NAV3: variants seen among roughly 807,000 people sequenced by gnomAD.
NAV3 encodes the protein neuron navigator 3.
A neutral mutation model predicts 244.7 loss-of-function variants in NAV3; 87 were observed. That is an observed-to-expected ratio of 0.36 (90% CI 0.30 to 0.42). The LOEUF is 0.42. NAV3 is among the 20% of genes least tolerant of loss of function. The pLI is 1.00. For missense variants in NAV3, 2,663 were observed against 2,893.3 expected (o/e 0.92, Z 1.83); for synonymous variants, 1,126 against 1,042.2 (o/e 1.08, Z -1.55).
chr12:77,874,110 C>T (rs910994116), intron 1 of NAV3, among the ~76,000 whole-genome samples: 1 of 151,958 alleles, frequency 6.6e-6, no homozygotes, highest in African/African-American at 2.4e-5. Flanking sequence ...CCCCACCCAC[C>T]CTAGTCTGTG....
intron 12 of NAV3, among the ~76,000 whole-genome samples, chr12:78,059,945 C>T (rs1884080946): frequency 6.7e-6 from 1 of 149,252 alleles, no homozygotes; most frequent in Admixed American, 6.8e-5. Context: ...TCTTTATTGC[C>T]TCAAATTTCT....
chr12:78,039,907 A>G (rs2137063266), intron 9 of NAV3, among the ~76,000 whole-genome samples: 1 of 152,228 alleles, frequency 6.6e-6, no homozygotes, highest in Non-Finnish European at 1.5e-5. Context: ...TTTGACACAT[A>G]GGAAGCCTCT....
At chr12:77,908,913 A>G (rs764433408) in intron 1 of NAV3, among the ~76,000 whole-genome samples, 4 of 152,080 alleles carry the variant, frequency 2.6e-5, no homozygotes, top group Non-Finnish European at 4.4e-5. Flanking sequence ...TATAGATTTC[A>G]TAGTTCAGTA....
chr12:77,778,387 T>C (rs890379065), intron 2 of NAV3, among the ~76,000 whole-genome samples: 4 of 151,196 alleles, frequency 2.6e-5, no homozygotes, highest in Admixed American at 6.6e-5. Context: ...CCAAGGCAGG[T>C]GGATCACGAG....
At chr12:78,179,289 A>G in intron 28 of NAV3, 1 of 403,982 alleles carries the variant, frequency 2.5e-6, no homozygotes, top group Non-Finnish European at 4.4e-6. Flanking sequence ...CAGTAAGAGT[A>G]GACTATTTTT....
At chr12:77,870,738 A>G (rs905412261) in intron 1 of NAV3, among the ~76,000 whole-genome samples, 1 of 152,218 alleles carries the variant, frequency 6.6e-6, no homozygotes, top group Non-Finnish European at 1.5e-5. Flanking sequence ...AAATCTGACT[A>G]GAAGAATCTA....
intron 2 of NAV3, among the ~76,000 whole-genome samples, chr12:77,655,067 G>A (rs1187233636): frequency 6.6e-6 from 1 of 152,184 alleles, no homozygotes; most frequent in Non-Finnish European, 1.5e-5. Flanking sequence ...CTCCTCCAAA[G>A]GATCGCACTT....
At chr12:78,201,231 T>A (rs979020661) in intron 38 of NAV3, among the ~76,000 whole-genome samples, 4 of 151,680 alleles carry the variant, frequency 2.6e-5, no homozygotes, top group Non-Finnish European at 5.9e-5. Flanking sequence ...ACTCAGTTAT[T>A]TGTATTGTTA....
intron 2 of NAV3, among the ~76,000 whole-genome samples, chr12:77,651,159 CT>C (rs895870896): frequency 6.6e-6 from 1 of 152,004 alleles, no homozygotes; most frequent in African/African-American, 2.4e-5. Flanking sequence ...AAAAAAAATT[CT>C]ACTTTTCAGT....
Position 78,199,651 on chromosome 12 carries a change from T to C in NAV3, c.6715+120T>C, listed in dbSNP as rs935352849. On this transcript the variant is annotated intron_variant, in intron 37 of 39. Transcript: ENST00000397909. Reference sequence around the variant, plus strand: ...AATGCTTATTCAAGCTTCCAAAGATTTATTTTTTTCCCTTCTGAAAGTTTG... The same window carrying C: ...AATGCTTATTCAAGCTTCCAAAGATCTATTTTTTTCCCTTCTGAAAGTTTG... 33 of 699,706 alleles carry C rather than the reference T, an allele frequency of 4.7e-5. No individual in the cohort carries two copies. The African/African-American group carries it at 5.9e-4, about 12-fold the overall frequency. 43.3% of individuals were successfully genotyped at this position (699,706 alleles called of 1,614,324 possible). A position where few individuals can be genotyped will look rare whatever the true frequency, so the allele number is the denominator to read the frequency against.
chr12:77,605,570 C>G (rs143647254), intron 2 of NAV3, among the ~76,000 whole-genome samples: 54 of 152,144 alleles, frequency 3.5e-4, no homozygotes, highest in Non-Finnish European at 5.6e-4. Context: ...TTAAAGATAA[C>G]TTGTATTGAG....
At chr12:77,589,768 A>G (rs183074936) in intron 2 of NAV3, among the ~76,000 whole-genome samples, 99 of 152,350 alleles carry the variant, frequency 6.5e-4, no homozygotes, top group African/African-American at 2.3e-3. Context: ...GCCAAACCAT[A>G]TCAGACATCT....
intron 12 of NAV3, among the ~76,000 whole-genome samples, chr12:78,071,585 T>A (rs2137635623): frequency 6.6e-6 from 1 of 152,316 alleles, no homozygotes; most frequent in East Asian, 1.9e-4. Flanking sequence ...AATCTCGTCT[T>A]TTGTTGCCAT....
intron 2 of NAV3, among the ~76,000 whole-genome samples, chr12:77,729,417 A>T (rs1165640111): frequency 2.0e-5 from 3 of 152,006 alleles, no homozygotes; most frequent in Admixed American, 6.6e-5. Context: ...CTGAGTTCAT[A>T]TATGTGTGTT....
rs1351540435 is a variant in NAV3 at position 78,007,278 on chromosome 12, T to G, written c.1740T>G (p.Pro580=). ...AGAAAGCAAGTGCTTCTAGTTGTCC[T>G]GCCCCTTTGGAAGGAAGGGAAGCTG... The part of the protein sequence containing the change: ...TMEKASASSC[P]APLEGREAGQ... The change falls in exon 8 of 40, where the codon CCT becomes CCG. Residue 580 remains proline, a synonymous_variant. Coordinates refer to ENST00000397909, the MANE Select transcript of NAV3 (RefSeq NM_001024383.2). 1 of 1,614,244 alleles carries G rather than the reference T, an allele frequency of 6.2e-7. No homozygotes were observed. The highest frequency in any genetic ancestry group is 1.1e-5 in the South Asian group (1 of 91,090).
intron 22 of NAV3, among the ~76,000 whole-genome samples, chr12:78,153,014 T>G (rs528181572): frequency 5.3e-5 from 8 of 152,184 alleles, no homozygotes; most frequent in Non-Finnish European, 1.0e-4. Flanking sequence ...GATATTCATC[T>G]TTACTCAGTA....
chr12:77,979,969 G>T (rs568443230), intron 5 of NAV3, among the ~76,000 whole-genome samples: 3 of 152,198 alleles, frequency 2.0e-5, no homozygotes, highest in Non-Finnish European at 2.9e-5. Context: ...TAAAATTAGG[G>T]GTTTATATGG....
chr12:77,889,000 A>G (rs569320220), intron 1 of NAV3, among the ~76,000 whole-genome samples: 16 of 152,086 alleles, frequency 1.1e-4, no homozygotes, highest in Middle Eastern at 6.8e-3. Context: ...TGCCCTCCAA[A>G]CCTGCATCTG....
intron 12 of NAV3, among the ~76,000 whole-genome samples, chr12:78,084,581 A>G (rs1566108692): frequency 6.7e-6 from 1 of 150,028 alleles, no homozygotes. Flanking sequence ...TTGAGCCACC[A>G]CTCTCTCTCT....
Sources: gnomAD v4.1 joint callset for allele counts (sites outside exome capture counted in the v4.1 genomes callset) on GRCh38, gnomAD v4.1.1 for gene constraint, MANE v1.5 for transcripts, NCBI Gene and HGNC (gene_info 2026-07-23, HGNC 2026-07-21) for gene names.